The following WWOX variants were observed in gnomAD, a reference collection of about 807,000 sequenced individuals.
WWOX encodes WW domain-containing oxidoreductase.
Under a neutral mutation model 46.2 loss-of-function variants are expected in WWOX, and 69 were observed. That is an observed-to-expected ratio of 1.49 (90% confidence interval 1.23 to 1.82). The LOEUF (loss-of-function observed/expected upper bound fraction) is 1.82, where lower values mean the gene tolerates loss of function less well. WWOX is among the 40% of genes most tolerant of loss of function. The probability of loss-of-function intolerance (pLI) is 0.00; values close to 1 mark genes in which losing one functional copy is unlikely to be tolerated. For synonymous variants in WWOX, 359 were observed against 202.6 expected (o/e 1.77, Z -6.56); for missense variants, 919 against 542.6 (o/e 1.69, Z -6.89).
chr16:79,095,845 C>G (rs1311770224), intron 8 of WWOX, among the ~76,000 whole-genome samples: 2 of 147,810 alleles, frequency 1.4e-5, no homozygotes, highest in Non-Finnish European at 3.0e-5. Context: ...GATCACTGCT[C>G]AATTCTCTCT....
At chr16:78,537,089 G>A (rs893062553) in intron 8 of WWOX, among the ~76,000 whole-genome samples, 1 of 152,026 alleles carries the variant, frequency 6.6e-6, no homozygotes, top group African/African-American at 2.4e-5. Flanking sequence ...GCTAATATTT[G>A]TATTTTTAGT....
intron 8 of WWOX, among the ~76,000 whole-genome samples, chr16:79,003,490 A>T (rs1825686236): frequency 6.6e-6 from 1 of 152,154 alleles, no homozygotes; most frequent in Non-Finnish European, 1.5e-5. Context: ...ATTACATCTC[A>T]TGATTTTCTG....
At chr16:78,672,843 C>G (rs62036103) in intron 8 of WWOX, among the ~76,000 whole-genome samples, 145 of 152,240 alleles carry the variant, frequency 9.5e-4, no homozygotes, top group Non-Finnish European at 1.6e-3. Context: ...TGGATTTTCA[C>G]TAAAATAGAA....
At chr16:79,012,559 C>CAA (rs1567483741) in intron 8 of WWOX, among the ~76,000 whole-genome samples, 26 of 152,108 alleles carry the variant, frequency 1.7e-4, no homozygotes, top group African/African-American at 4.6e-4. Flanking sequence ...AATTTGATAT[C>CAA]ATTGTGATCA....
chr16:78,904,036 G>T (rs1023283029), intron 8 of WWOX, among the ~76,000 whole-genome samples: 13 of 152,034 alleles, frequency 8.6e-5, no homozygotes, highest in African/African-American at 2.9e-4. Context: ...CCTTTACCCT[G>T]TTATTAACGT....
At chr16:78,297,719 A>G (rs1364456168) in intron 5 of WWOX, among the ~76,000 whole-genome samples, 2 of 152,140 alleles carry the variant, frequency 1.3e-5, no homozygotes, top group African/African-American at 4.8e-5. Context: ...CTGGGAGCCT[A>G]TGGAGACCTA....
intron 8 of WWOX, among the ~76,000 whole-genome samples, chr16:79,108,249 A>C (rs1040912332): frequency 1.3e-5 from 2 of 152,240 alleles, no homozygotes; most frequent in Admixed American, 6.5e-5. Flanking sequence ...TACAAGCAAG[A>C]CTATATCCTC....
At chr16:79,116,355 C>G (rs1400280622) in intron 8 of WWOX, among the ~76,000 whole-genome samples, 1 of 152,196 alleles carries the variant, frequency 6.6e-6, no homozygotes, top group Admixed American at 6.5e-5. Flanking sequence ...GAATTTATCT[C>G]AAAAGTGGAA....
At chr16:79,014,421 CTA>C (rs1292879033) in intron 8 of WWOX, among the ~76,000 whole-genome samples, 24 of 152,262 alleles carry the variant, frequency 1.6e-4, no homozygotes, top group Admixed American at 1.0e-3. Context: ...CTCAAGCTGT[CTA>C]TGTTTTCCTG....
intron 5 of WWOX, among the ~76,000 whole-genome samples, chr16:78,298,263 C>T (rs1227138527): frequency 1.3e-5 from 2 of 152,138 alleles, no homozygotes; most frequent in Admixed American, 1.3e-4. Context: ...AAACAGCCTG[C>T]AGACTGGGCC....
intron 8 of WWOX, among the ~76,000 whole-genome samples, chr16:79,150,477 C>G (rs758566466): frequency 1.3e-5 from 2 of 152,026 alleles, no homozygotes; most frequent in Non-Finnish European, 2.9e-5. Context: ...AATCTATGTC[C>G]CCAATATAGG....
chr16:78,107,424 T>C (rs1293372427), intron 1 of WWOX, among the ~76,000 whole-genome samples: 1 of 152,242 alleles, frequency 6.6e-6, no homozygotes, highest in Non-Finnish European at 1.5e-5. Flanking sequence ...CTCAGAGCTT[T>C]TTGTATGCCA....
In WWOX at chr16:78,563,123, A is replaced by G. The variant is rs372810140; in HGVS notation, c.1056+130371A>G. 1.4e-4 allele frequency among the ~76,000 whole-genome samples: 21 copies of G among 152,320 alleles called. No homozygotes were observed. The East Asian group carries it at 3.3e-3, about 24-fold the overall frequency. ...TGAAAGTTGTCTTGTGAGGCTTTAA[A>G]AAGCTAGCCAAGAGCAGTGCGATTT... is the stretch of plus-strand genomic sequence containing the variant. On this transcript the variant is annotated intron_variant, in intron 8 of 8. Transcript: ENST00000566780.
At chr16:78,646,818 G>A (rs143664204) in intron 8 of WWOX, among the ~76,000 whole-genome samples, 16 of 152,096 alleles carry the variant, frequency 1.1e-4, no homozygotes, top group African/African-American at 3.4e-4. Context: ...GCCTAGAATC[G>A]CCTTCCTTTT....
intron 8 of WWOX, among the ~76,000 whole-genome samples, chr16:79,049,537 C>G (rs1418455629): frequency 4.6e-5 from 7 of 152,076 alleles, no homozygotes; most frequent in Admixed American, 4.6e-4. Context: ...GGGGCTTTCT[C>G]TTAAGACTGC....
At chr16:78,938,904 G>A (rs1043106059) in intron 8 of WWOX, among the ~76,000 whole-genome samples, 4 of 152,178 alleles carry the variant, frequency 2.6e-5, no homozygotes, top group African/African-American at 9.7e-5. Flanking sequence ...ACTGGAGAGT[G>A]GGAGGCCCAG....
At chr16:79,210,468 G>A (rs941559498) in intron 8 of WWOX, among the ~76,000 whole-genome samples, 2 of 152,272 alleles carry the variant, frequency 1.3e-5, no homozygotes, top group Middle Eastern at 3.4e-3. Flanking sequence ...TTTGGGTCGG[G>A]TCGGAAAGCC....
At chr16:79,049,343 C>G (rs1347025630) in intron 8 of WWOX, among the ~76,000 whole-genome samples, 1 of 152,168 alleles carries the variant, frequency 6.6e-6, no homozygotes, top group African/African-American at 2.4e-5. Context: ...CACACTGGGG[C>G]AAACACAGGG....
chr16:78,839,604 C>T (rs2052084077), intron 8 of WWOX, among the ~76,000 whole-genome samples: 1 of 152,118 alleles, frequency 6.6e-6, no homozygotes, highest in South Asian at 2.1e-4. Context: ...AGCCTGTCAG[C>T]ACATATTTAT....
Sources: allele counts gnomAD v4.1 joint callset (sites outside exome capture counted in the v4.1 genomes callset), GRCh38; gene constraint gnomAD v4.1.1; transcripts MANE v1.5; gene names NCBI Gene and HGNC (gene_info 2026-07-23, HGNC 2026-07-21).